PI4KA: variants seen among roughly 807,000 people sequenced by gnomAD.
The protein encoded by PI4KA is phosphatidylinositol 4-kinase alpha, also known as PI4-kinase alpha.
In PI4KA, 122 loss-of-function variants were observed where a neutral mutation model predicts 271.4. The observed-to-expected ratio is 0.45, with a 90% CI of 0.39 to 0.52. PI4KA has a LOEUF of 0.52. Ranked by LOEUF, PI4KA falls within the 20% of genes least tolerant of loss-of-function variation. The probability of loss-of-function intolerance (pLI) is 0.00; values close to 1 mark genes in which losing one functional copy is unlikely to be tolerated. For synonymous variants in PI4KA, 1,041 were observed against 1,078.8 expected (o/e 0.96, Z 0.69); for missense variants, 1,969 against 2,769.1 (o/e 0.71, Z 6.48).
At position 20,803,288 on chromosome 22, in the gene PI4KA, C is replaced by A; in HGVS notation, c.1494G>T (p.Val498=). Reference sequence around the variant, plus strand: ...AGGACGGTGTCACAGAGTGCACCACCACCGGGAACCTCTCGCACAGGCGGC... The same window carrying A: ...AGGACGGTGTCACAGAGTGCACCACAACCGGGAACCTCTCGCACAGGCGGC... The part of the protein sequence containing the change: ...GLGRLCERFP[V]VVHSVTPSLR... Residue 498 remains valine, a synonymous_variant, in exon 13 of 55, where the codon GTG becomes GTT. Transcript: ENST00000255882. 2.5e-6 allele frequency: 4 copies of A among 1,614,154 alleles called. No individual in the cohort carries two copies. Among genetic ancestry groups the A allele is most frequent in the Non-Finnish European group, 3.4e-6 (4 of 1,179,992 alleles).
At chr22:20,817,734 C>CGAAAAAAAAAAAAAAAAAAAAA (rs1922009369) in intron 7 of PI4KA, among the ~76,000 whole-genome samples, 1 of 13,952 alleles carries the variant, frequency 7.2e-5, no homozygotes. Flanking sequence ...ACTCTCTCTC[C>CGAAAAAAAAAAAAAAAAAAAAA]AAAAAAAAAA....
At chr22:20,726,210 G>A (rs969404552) in intron 42 of PI4KA, 4 of 364,070 alleles carry the variant, frequency 1.1e-5, no homozygotes, top group African/African-American at 4.3e-5. Context: ...CCACCGATGA[G>A]AGGGAAGCCT....
chr22:20,739,293 C>T (rs948689970), intron 32 of PI4KA, among the ~76,000 whole-genome samples: 2 of 149,636 alleles, frequency 1.3e-5, no homozygotes, highest in Non-Finnish European at 3.0e-5. Flanking sequence ...GAGCCAAGAT[C>T]GGGCCACTGC....
At chr22:20,715,913 TAG>T (rs1925941709) in intron 45 of PI4KA, among the ~76,000 whole-genome samples, 1 of 151,732 alleles carries the variant, frequency 6.6e-6, no homozygotes, top group East Asian at 2.0e-4. Flanking sequence ...TTTTTTGAGA[TAG>T]AGTCTCACTC....
rs758652748 is a variant in PI4KA, at chr22:20,838,744, AC to A, written c.157-14del. The A allele has an allele frequency of 9.0e-5, 134 of 1,494,542 alleles. No homozygotes were observed. The highest frequency in any genetic ancestry group is 2.8e-4 in the Admixed American group (16 of 58,106). 92.6% of individuals were successfully genotyped at this position (1,494,542 alleles called of 1,614,324 possible). On this transcript the variant is annotated splice_polypyrimidine_tract_variant and intron_variant, in intron 1 of 54. Transcript: ENST00000255882. ...GAAGCTTTTGGACCTAGAAAATGAG[AC>A]CCCCCCAAAAACAGCTCTACAAAAT...
At position 20,805,060 on chromosome 22, in the gene PI4KA, T is replaced by C. The variant is rs755301382; in HGVS notation, c.1274A>G (p.His425Arg). The change falls in exon 11 of 55, where the codon CAC (histidine) becomes CGC (arginine). Residue 425 changes from histidine (H) to arginine (R), a missense_variant. This residue lies in a region of PI4KA where 540 missense variants were observed against 555.5 expected (regional missense o/e 0.97). Coordinates refer to ENST00000255882, the MANE Select transcript of PI4KA (RefSeq NM_058004.4). Reference protein sequence around the residue: ...QKILHDADRIHNELSPLKLRC... With the variant: ...QKILHDADRIRNELSPLKLRC... ...CAGTTTGAGGGGGCTCAGCTCATTG[T>C]GGATCCGGTCTGCGTCATGTAGAAT... 2 of 1,614,208 alleles carry C rather than the reference T, an allele frequency of 1.2e-6. No homozygotes were observed. Among genetic ancestry groups the C allele is most frequent in the East Asian group, 2.2e-5 (1 of 44,888 alleles).
chr22:20,829,856 T>C (rs972154979), intron 3 of PI4KA, among the ~76,000 whole-genome samples: 5 of 152,242 alleles, frequency 3.3e-5, no homozygotes, highest in African/African-American at 1.2e-4. Flanking sequence ...TGTATCTTCA[T>C]TCTCATTAAT....
intron 19 of PI4KA, among the ~76,000 whole-genome samples, chr22:20,766,506 A>T (rs1932539757): frequency 6.6e-6 from 1 of 152,182 alleles, no homozygotes; most frequent in Non-Finnish European, 1.5e-5. Flanking sequence ...TCTACTAAAA[A>T]TACAAAAAAT....
At chr22:20,724,521 C>A (rs993106100) in intron 42 of PI4KA, among the ~76,000 whole-genome samples, 2 of 151,382 alleles carry the variant, frequency 1.3e-5, no homozygotes, top group African/African-American at 4.9e-5. Context: ...GGCAGGAGAA[C>A]TGCTTGAATC....
At chr22:20,828,580 G>C (rs1018760737) in intron 3 of PI4KA, among the ~76,000 whole-genome samples, 1 of 151,978 alleles carries the variant, frequency 6.6e-6, no homozygotes, top group African/African-American at 2.4e-5. Context: ...TTTTGAGACA[G>C]AGTCTTGCTC....
chr22:20,824,232 C>G, intron 4 of PI4KA, 94 bp downstream of exon 4: 1 of 812,032 alleles, frequency 1.2e-6, no homozygotes, highest in South Asian at 1.4e-5. Context: ...ACAAACAATT[C>G]AATCACATTT....
In PI4KA at chr22:20,709,910, C is replaced by T. The variant is rs1376635569; in HGVS notation, c.6171G>A (p.Leu2057=). 2.5e-6 allele frequency: 4 copies of T among 1,596,716 alleles called. No homozygotes were observed. The highest frequency in any genetic ancestry group is 3.3e-5 in the Admixed American group (2 of 59,976). Residue 2057 remains leucine, a splice_region_variant and synonymous_variant, in exon 53 of 55, where the codon TTG becomes TTA. Transcript: ENST00000255882. ...PCFRGQTIKL[L]KHRFSPNMTE... ...TGCGTGTCCACCAAGGAACCTACTT[C>T]AAGAGCTTGATTGTCTGGCCGCGAA...
In PI4KA at chr22:20,798,455, G is replaced by A. The variant is rs1212278478; in HGVS notation, c.2108+129C>T. ...TGGGTTTTCACTTCCCCCCTTATGTGTGCACTGATCTGTAGCATATAGTTT... is the reference window on the plus strand; with the variant it reads ...TGGGTTTTCACTTCCCCCCTTATGTATGCACTGATCTGTAGCATATAGTTT... On this transcript the variant is annotated intron_variant, in intron 17 of 54. Coordinates refer to ENST00000255882, the MANE Select transcript of PI4KA (RefSeq NM_058004.4). The A allele has an allele frequency of 9.8e-6, 7 of 716,396 alleles. No homozygotes were observed. The Admixed American group carries it at 1.0e-4, about 10-fold the overall frequency. The allele number at this position is 716,396 out of a possible 1,614,324, so 44.4% of individuals were successfully genotyped here. A position where few individuals can be genotyped will look rare whatever the true frequency, so the allele number is the denominator to read the frequency against.
chr22:20,813,248 G>C (rs370452687), intron 8 of PI4KA, 110 bp downstream of exon 8: 6 of 780,272 alleles, frequency 7.7e-6, no homozygotes, highest in Non-Finnish European at 1.3e-5. Flanking sequence ...CTATTAAATT[G>C]TACTTTGAAA....
At chr22:20,717,430 G>GT (rs1221389641) in intron 45 of PI4KA, among the ~76,000 whole-genome samples, 1 of 152,282 alleles carries the variant, frequency 6.6e-6, no homozygotes, top group African/African-American at 2.4e-5. Context: ...CTCTTCTAGA[G>GT]TAACAGCTAC....
intron 29 of PI4KA, among the ~76,000 whole-genome samples, chr22:20,746,294 C>T (rs896295437): frequency 2.6e-4 from 40 of 152,082 alleles, no homozygotes; most frequent in Middle Eastern, 3.4e-3. Context: ...GATCCACTGA[C>T]CTCGTGATCC....
intron 19 of PI4KA, among the ~76,000 whole-genome samples, chr22:20,771,676 G>T (rs1176849568): frequency 6.6e-6 from 1 of 151,888 alleles, no homozygotes. Context: ...TCACCTCCCA[G>T]GTTCAAGCGA....
chr22:20,815,386 A>G (rs1921656212), intron 7 of PI4KA, among the ~76,000 whole-genome samples: 1 of 151,546 alleles, frequency 6.6e-6, no homozygotes. Context: ...TCTCAAAAAA[A>G]AAAAAAAAAA....
chr22:20,802,881 C>T (rs1287527113), intron 13 of PI4KA, among the ~76,000 whole-genome samples: 3 of 152,146 alleles, frequency 2.0e-5, no homozygotes, highest in Non-Finnish European at 4.4e-5. Flanking sequence ...AATCCATTCT[C>T]GCAGGGGTAG....
Sources: allele counts gnomAD v4.1 joint callset (sites outside exome capture counted in the v4.1 genomes callset), GRCh38; gene constraint gnomAD v4.1.1; regional missense constraint gnomAD v4.1.1; transcripts MANE v1.5; gene names NCBI Gene and HGNC (gene_info 2026-07-23, HGNC 2026-07-21).